Variants in CAMTA1 observed in about 807,000 individuals in gnomAD.
The protein encoded by CAMTA1 is calmodulin-binding transcription activator 1.
CAMTA1 carries 27 observed loss-of-function variants against 170.9 expected under a neutral mutation model. That is an observed-to-expected ratio of 0.16 (90% CI 0.12 to 0.22). The LOEUF is 0.22. CAMTA1 is among the 10% of genes least tolerant of loss of function. CAMTA1 has a pLI of 1.00. For synonymous variants in CAMTA1, 833 were observed against 891.5 expected, an observed-to-expected ratio of 0.93 and a Z score of 1.17; for missense variants, 1,619 against 2,217.2, an observed-to-expected ratio of 0.73 and a Z score of 5.42.
intron 5 of CAMTA1, among the ~76,000 whole-genome samples, chr1:7,280,634 G>T (rs1671371614): frequency 6.6e-6 from 1 of 152,238 alleles, no homozygotes; most frequent in Admixed American, 6.5e-5. Context: ...CTTTGTAATT[G>T]ACTGCATCAC....
At chr1:7,410,308 C>T (rs1234956881) in intron 5 of CAMTA1, among the ~76,000 whole-genome samples, 1 of 152,222 alleles carries the variant, frequency 6.6e-6, no homozygotes, top group Non-Finnish European at 1.5e-5. Context: ...GGACATGGGG[C>T]CCAGGGCCTG....
At chr1:7,568,299 C>CCAT in intron 6 of CAMTA1, among the ~76,000 whole-genome samples, 2 of 151,282 alleles carry the variant, frequency 1.3e-5, no homozygotes, top group African/African-American at 4.9e-5. Context: ...CACCACATCA[C>CCAT]CATCACCACC....
intron 7 of CAMTA1, among the ~76,000 whole-genome samples, chr1:7,648,944 TTGGGCCACAGGCCTCCTTTCTC>T (rs2095828996): frequency 6.6e-6 from 1 of 152,172 alleles, no homozygotes. Flanking sequence ...CAGCACCTCT[TTGGGCCACAGGCCTCCTTTCTC>T]ACATCCAGGT....
intron 6 of CAMTA1, among the ~76,000 whole-genome samples, chr1:7,593,182 G>A (rs2095368009): frequency 1.3e-5 from 2 of 152,162 alleles, no homozygotes; most frequent in Admixed American, 6.5e-5. Context: ...ACATTCCAGG[G>A]GGAGAAACAG....
chr1:7,122,408 A>G (rs959748350), intron 4 of CAMTA1, among the ~76,000 whole-genome samples: 3 of 152,040 alleles, frequency 2.0e-5, no homozygotes, highest in Admixed American at 1.3e-4. Flanking sequence ...AGGAGTGTGC[A>G]TATTCGTAGG....
At chr1:7,079,681 C>T (rs1213674002) in intron 3 of CAMTA1, among the ~76,000 whole-genome samples, 3 of 151,784 alleles carry the variant, frequency 2.0e-5, no homozygotes, top group Admixed American at 6.6e-5. Flanking sequence ...CCATGTTGGC[C>T]AGGTTGGTCT....
intron 3 of CAMTA1, among the ~76,000 whole-genome samples, chr1:6,972,221 A>G (rs1692668475): frequency 6.6e-6 from 1 of 152,156 alleles, no homozygotes; most frequent in South Asian, 2.1e-4. Flanking sequence ...TGGCTTTATG[A>G]CATCTAAGAT....
chr1:6,800,634 T>C (rs1331975616), intron 1 of CAMTA1, among the ~76,000 whole-genome samples: 1 of 152,216 alleles, frequency 6.6e-6, no homozygotes, highest in East Asian at 1.9e-4. Context: ...AGTTGTACTT[T>C]CTGGAGTTGA....
At chr1:6,791,972 C>CT (rs112975416) in intron 1 of CAMTA1, among the ~76,000 whole-genome samples, 1,964 of 143,380 alleles carry the variant, frequency 0.014, 27 homozygotes, top group South Asian at 0.038. Flanking sequence ...TGTTTCTTTT[C>CT]TTTTTTTTTT....
chr1:6,876,055 A>G (rs866875394), intron 3 of CAMTA1, among the ~76,000 whole-genome samples: 8 of 152,226 alleles, frequency 5.3e-5, no homozygotes, highest in African/African-American at 1.7e-4. Flanking sequence ...GTAGAATACC[A>G]TCTTCCATGA....
chr1:7,201,987 A>C (rs920506243), intron 4 of CAMTA1, among the ~76,000 whole-genome samples: 7 of 152,068 alleles, frequency 4.6e-5, no homozygotes, highest in African/African-American at 9.7e-5. Flanking sequence ...GTTTATACCT[A>C]TGTTTTCTTT....
Position 7,633,607 on chromosome 1 carries a change from C to T in CAMTA1, c.511-6793C>T, listed in dbSNP as rs926655689. Among the ~76,000 whole-genome samples the T allele has an allele frequency of 1.3e-5, 2 of 152,228 alleles. No homozygotes were observed. The highest frequency in any genetic ancestry group is 4.8e-5 in the African/African-American group (2 of 41,462). On this transcript the variant is annotated intron_variant, in intron 6 of 22. Transcript: ENST00000303635. The surrounding 1 kb of genome is among the most constrained non-coding windows in gnomAD (Gnocchi z 4.1). ...AGACAGCCACCCCTGCACCAGCTCCCCCAGCCAAGGCCAGGTGCCCCCTAG... is the reference window on the plus strand; with the variant it reads ...AGACAGCCACCCCTGCACCAGCTCCTCCAGCCAAGGCCAGGTGCCCCCTAG...
rs2096743208 is a variant in CAMTA1 at position 7,732,720 on chromosome 1, G to A, written c.3066+121G>A. 7 of 1,348,402 alleles carry A rather than the reference G, an allele frequency of 5.2e-6. No individual in the cohort carries two copies. Among genetic ancestry groups the A allele is most frequent in the Non-Finnish European group, 7.0e-6 (7 of 1,006,502 alleles). 83.5% of individuals were successfully genotyped at this position (1,348,402 alleles called of 1,614,324 possible). Reference sequence around the variant, plus strand: ...TGCGGTCCCTGTATTCAGGCAGAAGGCCTGAGGGAGTACTTTACGGTACCT... The same window carrying A: ...TGCGGTCCCTGTATTCAGGCAGAAGACCTGAGGGAGTACTTTACGGTACCT... On this transcript the variant is annotated intron_variant, in intron 12 of 22. Coordinates refer to ENST00000303635, the MANE Select transcript of CAMTA1 (RefSeq NM_015215.4). This position sits in a 1 kb window ranked among gnomAD's most constrained non-coding sequence, Gnocchi z 4.1.
At chr1:7,355,363 CA>C (rs1416470011) in intron 5 of CAMTA1, among the ~76,000 whole-genome samples, 2 of 152,032 alleles carry the variant, frequency 1.3e-5, no homozygotes, top group Non-Finnish European at 2.9e-5. Context: ...CCAGCCTGGG[CA>C]ACAGAGCAAG....
chr1:7,180,874 T>G (rs1185024036), intron 4 of CAMTA1, among the ~76,000 whole-genome samples: 1 of 152,190 alleles, frequency 6.6e-6, no homozygotes, highest in African/African-American at 2.4e-5. Context: ...CGAAAATAAA[T>G]GAATGTTTTC....
intron 3 of CAMTA1, among the ~76,000 whole-genome samples, chr1:7,000,833 G>T (rs1409852957): frequency 2.0e-5 from 3 of 152,144 alleles, no homozygotes; most frequent in African/African-American, 7.2e-5. Flanking sequence ...CAGAGAGAGA[G>T]ACTTTGTGGG....
intron 3 of CAMTA1, among the ~76,000 whole-genome samples, chr1:6,899,830 C>T (rs936617151): frequency 8.5e-5 from 13 of 152,188 alleles, no homozygotes; most frequent in Non-Finnish European, 1.8e-4. Flanking sequence ...AGTCCTTCAT[C>T]GGTTGATCTG....
intron 5 of CAMTA1, among the ~76,000 whole-genome samples, chr1:7,399,258 G>GCT (rs2089694901): frequency 6.6e-6 from 1 of 152,044 alleles, no homozygotes; most frequent in African/African-American, 2.4e-5. Flanking sequence ...TGGCACCTTT[G>GCT]CTCTCTCTCT....
At position 7,732,542 on chromosome 1, in the gene CAMTA1, C is replaced by A. The variant is rs1431634664; in HGVS notation, c.3009C>A (p.Ser1003Arg). ...MTGSQQHKQA[S>R]GGGSSGGGSG... ...GGTCCCAGCAGCACAAACAGGCGAG[C>A]GGAGGCGGCAGCAGTGGAGGCGGCA... is the stretch of plus-strand genomic sequence containing the variant. Residue 1003 changes from serine (S) to arginine (R), a missense_variant, in exon 12 of 23, where the codon AGC becomes AGA. Coordinates refer to ENST00000303635, the MANE Select transcript of CAMTA1 (RefSeq NM_015215.4). This position sits in a 1 kb window ranked among gnomAD's most constrained non-coding sequence, Gnocchi z 4.1. 6.2e-7 allele frequency: 1 copy of A among 1,613,220 alleles called. No individual in the cohort carries two copies. The highest frequency in any genetic ancestry group is 8.5e-7 in the Non-Finnish European group (1 of 1,179,894).
Sources: allele counts gnomAD v4.1 joint callset (sites outside exome capture counted in the v4.1 genomes callset), GRCh38; gene constraint gnomAD v4.1.1; non-coding constraint Gnocchi (gnomAD v3.1); transcripts MANE v1.5; gene names NCBI Gene and HGNC (gene_info 2026-07-23, HGNC 2026-07-21).